The following GHITM variants were observed in gnomAD, a reference collection of about 807,000 sequenced individuals.
GHITM encodes the protein growth hormone-inducible transmembrane protein.
Under a neutral mutation model 38.7 loss-of-function variants are expected in GHITM, and 24 were observed. The observed-to-expected ratio is 0.62, with a 90% CI of 0.45 to 0.87. The LOEUF is 0.87. Ranked by LOEUF, GHITM falls within the 40% of genes least tolerant of loss-of-function variation. The probability of loss-of-function intolerance (pLI) is 0.00; values close to 1 mark genes in which losing one functional copy is unlikely to be tolerated. For missense variants in GHITM, 420 were observed against 429.8 expected (o/e 0.98, Z 0.20); for synonymous variants, 154 against 147.8 (o/e 1.04, Z -0.30).
At chr10:84,145,533 A>G (rs1327263981) in intron 5 of GHITM, among the ~76,000 whole-genome samples, 1 of 152,248 alleles carries the variant, frequency 6.6e-6, no homozygotes, top group Non-Finnish European at 1.5e-5. Context: ...TCTAATTTGT[A>G]GCAGTTTACT....
chr10:84,144,002 G>A lies in GHITM; in HGVS notation c.237G>A (p.Gln79=). Residue 79 remains glutamine, a synonymous_variant, in exon 4 of 9, where the codon CAG becomes CAA. Coordinates refer to ENST00000372134, the MANE Select transcript of GHITM (RefSeq NM_014394.3). ...PSMEKIFKID[Q]MGRWFVAGGA... ...TCCTTCTGTGTTCTGCAGTTGATCA[G>A]ATGGGAAGATGGTTTGTTGCTGGAG... is the stretch of plus-strand genomic sequence containing the variant. 6.2e-7 allele frequency: 1 copy of A among 1,611,686 alleles called. No individual in the cohort carries two copies. Among genetic ancestry groups the A allele is most frequent in the East Asian group, 2.2e-5 (1 of 44,876 alleles).
At chr10:84,145,124 T>C (rs757952087) in intron 5 of GHITM, 108 bp downstream of exon 5, 3 of 774,208 alleles carry the variant, frequency 3.9e-6, no homozygotes, top group Non-Finnish European at 5.6e-6. Context: ...ATTGAACAAG[T>C]TTTTGTTCAA....
chr10:84,145,732 TCTC>T (rs1010099929), intron 5 of GHITM, among the ~76,000 whole-genome samples: 4 of 152,194 alleles, frequency 2.6e-5, no homozygotes, highest in Admixed American at 6.5e-5. Flanking sequence ...TGTCCCCTAT[TCTC>T]CTGCTATTTG....
chr10:84,152,054 C>G (rs1352578976), intron 8 of GHITM, among the ~76,000 whole-genome samples: 2 of 152,042 alleles, frequency 1.3e-5, no homozygotes, highest in Non-Finnish European at 2.9e-5. Context: ...TTTTAAACTG[C>G]TCTTTAACAT....
rs112654746 is a variant in GHITM, at chr10:84,143,994, G to T, written c.230-1G>T. On this transcript the variant is annotated splice_acceptor_variant, in intron 3 of 8. Coordinates refer to ENST00000372134, the MANE Select transcript of GHITM (RefSeq NM_014394.3). LOFTEE classifies it high-confidence loss of function. ...CCTGCATTTCCTTCTGTGTTCTGCA[G>T]TTGATCAGATGGGAAGATGGTTTGT... 1.9e-6 allele frequency: 3 copies of T among 1,605,314 alleles called. No individual in the cohort carries two copies. Among genetic ancestry groups the T allele is most frequent in the Non-Finnish European group, 2.6e-6 (3 of 1,172,026 alleles).
At chr10:84,142,009 C>T (rs1841511648) in intron 2 of GHITM, among the ~76,000 whole-genome samples, 1 of 152,100 alleles carries the variant, frequency 6.6e-6, no homozygotes, top group Non-Finnish European at 1.5e-5. Flanking sequence ...TATATTATCT[C>T]TTATTTAGAG....
chr10:84,151,822 TA>T (rs1314109863), intron 8 of GHITM, among the ~76,000 whole-genome samples: 4 of 152,202 alleles, frequency 2.6e-5, no homozygotes, highest in South Asian at 2.1e-4. Context: ...TGTAATGGTT[TA>T]GGGGGAAGAA....
chr10:84,141,607 A>G lies in GHITM; in HGVS notation c.107A>G (p.Gln36Arg), dbSNP rs202073747. 20 of 1,613,870 alleles carry G rather than the reference A, an allele frequency of 1.2e-5. No homozygotes were observed. Among genetic ancestry groups the G allele is most frequent in the Non-Finnish European group, 1.4e-5 (17 of 1,179,742 alleles). ...GTGAAGAATTCCATCACGAAGAATC[A>G]ATGGCTGTTAACACCTAGCAGGGTA... ...PVVKNSITKN[Q>R]WLLTPSREYA... The change falls in exon 2 of 9, where the codon CAA becomes CGA. Residue 36 changes from glutamine to arginine, a missense_variant. Coordinates refer to ENST00000372134, the MANE Select transcript of GHITM (RefSeq NM_014394.3).
intron 7 of GHITM, 118 bp from the exon 8 acceptor site, chr10:84,150,591 A>G: frequency 2.8e-6 from 2 of 712,836 alleles, no homozygotes; most frequent in Non-Finnish European, 4.6e-6. Flanking sequence ...ATGTACCCAG[A>G]TGTCGTCTTA....
Position 84,150,805 on chromosome 10 carries a change from A to G in GHITM, c.878A>G (p.Tyr293Cys), listed in dbSNP as rs769310672. Reference sequence around the variant, plus strand: ...GTTCTTTTCAGCATGTTCCTTCTGTATGATACCCAGAAAGTAATCAAGCGT... The same window carrying G: ...GTTCTTTTCAGCATGTTCCTTCTGTGTGATACCCAGAAAGTAATCAAGCGT... ...GLVLFSMFLL[Y>C]DTQKVIKRAE... The change falls in exon 8 of 9, where the codon TAT (tyrosine) becomes TGT (cysteine). Residue 293 changes from tyrosine to cysteine, a missense_variant. Physicochemically the swap from Tyr to Cys is radical, Grantham distance 194. Transcript: ENST00000372134. 6.8e-6 allele frequency: 11 copies of G among 1,610,956 alleles called. No individual in the cohort carries two copies. The South Asian group carries it at 8.8e-5, about 13-fold the overall frequency.
chr10:84,152,463 G>T lies in GHITM; in HGVS notation c.*115G>T. ...TTGAAGTTTAGAAGATAAGAAACAT[G>T]TCATCATATTTAAATGTTCCGGTAA... is the stretch of plus-strand genomic sequence containing the variant. On this transcript the variant is annotated 3_prime_UTR_variant, in exon 9 of 9. Coordinates refer to ENST00000372134, the MANE Select transcript of GHITM (RefSeq NM_014394.3). The T allele has an allele frequency of 1.9e-6, 1 of 534,612 alleles. No individual in the cohort carries two copies. The highest frequency in any genetic ancestry group is 3.3e-6 in the Non-Finnish European group (1 of 301,646). 33.1% of individuals were successfully genotyped at this position (534,612 alleles called of 1,614,324 possible).
chr10:84,148,496 C>T (rs914263412), intron 5 of GHITM, among the ~76,000 whole-genome samples: 5 of 152,086 alleles, frequency 3.3e-5, no homozygotes, highest in Admixed American at 6.6e-5. Context: ...AGGGTTTCAC[C>T]AGTTAGCCAG....
chr10:84,144,197 C>A, intron 4 of GHITM, 91 bp downstream of exon 4: 1 of 776,026 alleles, frequency 1.3e-6, no homozygotes, highest in Non-Finnish European at 2.3e-6. Flanking sequence ...TCTTTAGTCA[C>A]TTTGGAATGT....
At chr10:84,150,655 AG>A (rs1841602290) in intron 7 of GHITM, 53 bp from the exon 8 acceptor site, 4 of 1,382,398 alleles carry the variant, frequency 2.9e-6, no homozygotes, top group Non-Finnish European at 4.0e-6. Context: ...TCATAAACTC[AG>A]TTATCGGAAA....
chr10:84,151,369 T>C (rs1014411165), intron 8 of GHITM, among the ~76,000 whole-genome samples: 1 of 152,242 alleles, frequency 6.6e-6, no homozygotes, highest in African/African-American at 2.4e-5. Flanking sequence ...AAAAAACCTC[T>C]TGATTTTATT....
intron 1 of GHITM, 28 bp from the exon 2 acceptor site, chr10:84,141,434 G>T: frequency 2.7e-6 from 4 of 1,465,810 alleles, no homozygotes; most frequent in Admixed American, 3.6e-5. Context: ...ATGTTTTTTT[G>T]GTTGGTTTTG....
intron 1 of GHITM, chr10:84,140,378 G>C (rs1369593658): frequency 1.3e-5 from 2 of 152,212 alleles, no homozygotes; most frequent in Non-Finnish European, 2.9e-5. Context: ...AGCTTTTGGA[G>C]TGTTCGTTAA....
chr10:84,141,705 T>C (rs909906835), intron 2 of GHITM, 76 bp downstream of exon 2: 2 of 1,414,930 alleles, frequency 1.4e-6, no homozygotes, highest in Non-Finnish European at 2.0e-6. Context: ...GTATGGCTGC[T>C]CTGCCTTTAG....
chr10:84,144,255 G>A (rs1436632228), intron 4 of GHITM, 149 bp downstream of exon 4: 1 of 553,480 alleles, frequency 1.8e-6, no homozygotes, highest in Non-Finnish European at 3.3e-6. Context: ...ATCTCTTTTT[G>A]CTTCTTTGAC....
Sources: allele counts gnomAD v4.1 joint callset (sites outside exome capture counted in the v4.1 genomes callset), GRCh38; gene constraint gnomAD v4.1.1; transcripts MANE v1.5; gene names NCBI Gene and HGNC (gene_info 2026-07-23, HGNC 2026-07-21).